The following SLC24A2 variants were observed in gnomAD, a reference collection of about 807,000 sequenced individuals.
SLC24A2 encodes sodium/potassium/calcium exchanger 2.
SLC24A2 carries 36 observed loss-of-function variants against 62.0 expected under a neutral mutation model. That is an observed-to-expected ratio of 0.58 (90% CI 0.44 to 0.77). SLC24A2 has a LOEUF of 0.77. Ranked by LOEUF, SLC24A2 falls within the 30% of genes least tolerant of loss-of-function variation. SLC24A2 has a pLI of 0.00. For synonymous variants in SLC24A2, 358 were observed against 294.0 expected (o/e 1.22, Z -2.23); for missense variants, 846 against 817.9 (o/e 1.03, Z -0.42).
At chr9:19,585,703 T>G (rs187163490) in intron 5 of SLC24A2, among the ~76,000 whole-genome samples, 1 of 152,206 alleles carries the variant, frequency 6.6e-6, no homozygotes, top group Non-Finnish European at 1.5e-5. Context: ...GTAATAGAAG[T>G]AACTAACATG....
the SLC24A2 span, among the ~76,000 whole-genome samples, chr9:20,047,542 C>G: frequency 8.2e-5 from 12 of 146,458 alleles, no homozygotes; most frequent in African/African-American, 3.0e-4. Flanking sequence ...TTTCTGAAGG[C>G]TGGAAAGTCC....
the SLC24A2 span, among the ~76,000 whole-genome samples, chr9:20,193,878 A>C: frequency 6.6e-6 from 1 of 152,134 alleles, no homozygotes; most frequent in Non-Finnish European, 1.5e-5. Flanking sequence ...TTGAAAGAAT[A>C]ATCAAAGGGG....
intron 2 of SLC24A2, among the ~76,000 whole-genome samples, chr9:19,781,406 C>T (rs1026398761): frequency 6.6e-6 from 1 of 152,084 alleles, no homozygotes; most frequent in Admixed American, 6.6e-5. Context: ...ATAATGGTGA[C>T]TCCAGTTCTC....
At chr9:19,677,284 A>G (rs148644692) in intron 2 of SLC24A2, among the ~76,000 whole-genome samples, 383 of 152,334 alleles carry the variant, frequency 2.5e-3, no homozygotes, top group African/African-American at 8.3e-3. Context: ...TTGCAGGGAC[A>G]TGGATGGAGC....
At chr9:19,756,547 T>G (rs1034430808) in intron 2 of SLC24A2, among the ~76,000 whole-genome samples, 1 of 152,238 alleles carries the variant, frequency 6.6e-6, no homozygotes, top group Non-Finnish European at 1.5e-5. Flanking sequence ...ATTTATATAT[T>G]ATCCTACAGT....
At position 19,788,388 on chromosome 9, in the gene SLC24A2, C is replaced by A. The variant is rs1823243127; in HGVS notation, c.-154+497G>T. On this transcript the variant is annotated intron_variant, in intron 1 of 10. Transcript: ENST00000341998. ...ATCTCCAGCCCGATCCTCGCTCCCC[C>A]TGAAAACCCACCGCTCGTCTCCCCG... 9.4e-6 allele frequency: 5 copies of A among 534,636 alleles called. No homozygotes were observed. The South Asian group carries it at 2.4e-4, about 26-fold the overall frequency. 33.1% of individuals were successfully genotyped at this position (534,636 alleles called of 1,614,324 possible). A position where few individuals can be genotyped will look rare whatever the true frequency, so the allele number is the denominator to read the frequency against.
chr9:20,207,885 T>C, the SLC24A2 span, among the ~76,000 whole-genome samples: 1 of 152,224 alleles, frequency 6.6e-6, no homozygotes, highest in African/African-American at 2.4e-5. Flanking sequence ...TGCACAAGTT[T>C]CTACAGAGTT....
chr9:19,583,769 C>T (rs1319918262), intron 5 of SLC24A2, among the ~76,000 whole-genome samples: 1 of 152,118 alleles, frequency 6.6e-6, no homozygotes, highest in Non-Finnish European at 1.5e-5. Flanking sequence ...GCAGGGGAGA[C>T]ACATCAGTTG....
chr9:19,585,446 G>C (rs182488796), intron 5 of SLC24A2, among the ~76,000 whole-genome samples: 1 of 152,194 alleles, frequency 6.6e-6, no homozygotes, highest in African/African-American at 2.4e-5. Context: ...TATGTTTCCT[G>C]GTTCAGCACT....
intron 5 of SLC24A2, among the ~76,000 whole-genome samples, chr9:19,586,342 T>C (rs1836371040): frequency 6.6e-6 from 1 of 152,136 alleles, no homozygotes; most frequent in South Asian, 2.1e-4. Context: ...TTTGTGAGTA[T>C]AGCAACATTA....
the SLC24A2 span, among the ~76,000 whole-genome samples, chr9:20,130,637 G>T: frequency 6.6e-6 from 1 of 152,254 alleles, no homozygotes; most frequent in African/African-American, 2.4e-5. Flanking sequence ...AGCCTGTAAG[G>T]CCTGTAAGTT....
chr9:19,922,115 C>T, the SLC24A2 span, among the ~76,000 whole-genome samples: 4 of 152,120 alleles, frequency 2.6e-5, no homozygotes, highest in Non-Finnish European at 5.9e-5. Flanking sequence ...CAGCCTGTTC[C>T]CATTGTTTCA....
intron 7 of SLC24A2, among the ~76,000 whole-genome samples, chr9:19,567,115 AAT>A (rs1226600051): frequency 5.6e-4 from 84 of 150,744 alleles, no homozygotes; most frequent in African/African-American, 2.0e-3. Context: ...TAATAAAAAA[AAT>A]ATATATATAA....
At chr9:19,860,423 TG>T in the SLC24A2 span, among the ~76,000 whole-genome samples, 1 of 152,114 alleles carries the variant, frequency 6.6e-6, no homozygotes, top group Non-Finnish European at 1.5e-5. Context: ...TCTTGGCCTC[TG>T]ACTAACCAGC....
chr9:20,027,703 T>C, the SLC24A2 span, among the ~76,000 whole-genome samples: 1 of 152,054 alleles, frequency 6.6e-6, no homozygotes. Flanking sequence ...TGAATTCAAT[T>C]AGACAGGAGG....
intron 6 of SLC24A2, among the ~76,000 whole-genome samples, chr9:19,574,880 C>T (rs1024474632): frequency 6.6e-6 from 1 of 152,136 alleles, no homozygotes; most frequent in African/African-American, 2.4e-5. Flanking sequence ...CTGTAGTATG[C>T]TGTCAGGGTT....
At chr9:20,096,202 C>A in the SLC24A2 span, among the ~76,000 whole-genome samples, 1 of 152,050 alleles carries the variant, frequency 6.6e-6, no homozygotes, top group Admixed American at 6.5e-5. Flanking sequence ...ATTGTGAGAC[C>A]AAAAATTTGA....
chr9:20,035,661 G>A, the SLC24A2 span, among the ~76,000 whole-genome samples: 4 of 152,174 alleles, frequency 2.6e-5, no homozygotes, highest in South Asian at 4.1e-4. Context: ...GGCTGAGGCT[G>A]AAGTGGGAGG....
chr9:19,940,106 A>G, the SLC24A2 span, among the ~76,000 whole-genome samples: 3 of 152,236 alleles, frequency 2.0e-5, no homozygotes, highest in Non-Finnish European at 4.4e-5. Flanking sequence ...AGTGCAGAGT[A>G]AAAAACTCAT....
Sources: allele counts gnomAD v4.1 joint callset (sites outside exome capture counted in the v4.1 genomes callset), GRCh38; gene constraint gnomAD v4.1.1; transcripts MANE v1.5; gene names NCBI Gene and HGNC (gene_info 2026-07-23, HGNC 2026-07-21).